Variants in TASP1 observed in about 807,000 individuals in gnomAD.
TASP1 encodes taspase 1.
Under a neutral mutation model 56.6 loss-of-function variants are expected in TASP1, and 16 were observed. The observed-to-expected ratio is 0.28, with a 90% CI of 0.19 to 0.43. The LOEUF (loss-of-function observed/expected upper bound fraction) is 0.43. Among genes scored for constraint, TASP1 ranks in the 20% least tolerant of loss-of-function variants. TASP1 has a pLI of 1.00. For missense variants in TASP1, 393 were observed against 511.6 expected (o/e 0.77, Z 2.24); for synonymous variants, 179 against 184.2 (o/e 0.97, Z 0.23).
At chr20:13,275,217 T>C in the TASP1 span, among the ~76,000 whole-genome samples, 1 of 151,590 alleles carries the variant, frequency 6.6e-6, no homozygotes, top group African/African-American at 2.4e-5. Context: ...AAAATAGTCA[T>C]GTAAAGGCCT....
chr20:13,212,269 AC>A, the TASP1 span, among the ~76,000 whole-genome samples: 1 of 152,172 alleles, frequency 6.6e-6, no homozygotes, highest in Non-Finnish European at 1.5e-5. Context: ...TACAAAATGT[AC>A]AGCCACTAAT....
At chr20:13,263,977 T>C in the TASP1 span, among the ~76,000 whole-genome samples, 2 of 152,214 alleles carry the variant, frequency 1.3e-5, no homozygotes, top group Admixed American at 6.5e-5. Flanking sequence ...TTTGTTTTTC[T>C]TTAGAATCCC....
At chr20:13,321,254 A>T in the TASP1 span, among the ~76,000 whole-genome samples, 191 of 33,670 alleles carry the variant, frequency 5.7e-3, 1 homozygote, top group African/African-American at 0.027. Context: ...TGCCCCACAT[A>T]AAAAAAAAAA....
intron 11 of TASP1, among the ~76,000 whole-genome samples, chr20:13,464,084 G>C (rs925306136): frequency 3.3e-5 from 5 of 152,142 alleles, no homozygotes; most frequent in African/African-American, 1.2e-4. Context: ...ACAGCCAAAG[G>C]TGTTATTCAC....
the TASP1 span, among the ~76,000 whole-genome samples, chr20:13,163,623 A>T: frequency 6.6e-6 from 1 of 152,094 alleles, no homozygotes; most frequent in Non-Finnish European, 1.5e-5. Context: ...CATTTTAAAT[A>T]CTCATACTCC....
chr20:13,126,628 C>T, the TASP1 span: 9 of 1,613,944 alleles, frequency 5.6e-6, no homozygotes, highest in Non-Finnish European at 7.6e-6. Context: ...TCGCATAGTG[C>T]TGTTTATGCT....
chr20:13,514,604 T>C (rs1026967437), intron 10 of TASP1, among the ~76,000 whole-genome samples: 1 of 152,156 alleles, frequency 6.6e-6, no homozygotes, highest in East Asian at 1.9e-4. Flanking sequence ...TTCAATTCAA[T>C]GTAGGTACAG....
chr20:13,414,843 C>T (rs2042202447), intron 13 of TASP1, among the ~76,000 whole-genome samples: 2 of 151,596 alleles, frequency 1.3e-5, no homozygotes, highest in African/African-American at 4.8e-5. Context: ...TGTAAAAGAA[C>T]CTACCTCTAT....
chr20:13,320,374 T>A, the TASP1 span, among the ~76,000 whole-genome samples: 2 of 152,224 alleles, frequency 1.3e-5, no homozygotes, highest in African/African-American at 2.4e-5. Context: ...GACTTCACAC[T>A]GTGCTTGCAA....
chr20:13,127,520 A>C, the TASP1 span, among the ~76,000 whole-genome samples: 1 of 152,218 alleles, frequency 6.6e-6, no homozygotes, highest in Non-Finnish European at 1.5e-5. Flanking sequence ...CAAGCCTGCT[A>C]TTTCAGTAGA....
chr20:13,172,883 T>C, the TASP1 span, among the ~76,000 whole-genome samples: 1 of 152,108 alleles, frequency 6.6e-6, no homozygotes, highest in Non-Finnish European at 1.5e-5. Flanking sequence ...AATTTTGGAA[T>C]GATAATTAAG....
chr20:13,408,755 C>T (rs895526907), intron 13 of TASP1, among the ~76,000 whole-genome samples: 10 of 152,112 alleles, frequency 6.6e-5, no homozygotes, highest in Non-Finnish European at 1.5e-5. Flanking sequence ...TAAATTTCAT[C>T]CAGTTGCTGC....
At chr20:13,179,019 T>C in the TASP1 span, among the ~76,000 whole-genome samples, 2 of 152,100 alleles carry the variant, frequency 1.3e-5, no homozygotes, top group Non-Finnish European at 2.9e-5. Flanking sequence ...TATCCAAACA[T>C]CACTATGTAC....
chr20:13,421,708 CG>C (rs1172313574), intron 12 of TASP1, among the ~76,000 whole-genome samples: 2 of 152,058 alleles, frequency 1.3e-5, no homozygotes, highest in African/African-American at 2.4e-5. Flanking sequence ...GAAACAACAT[CG>C]TGTTAGCTGG....
At chr20:13,359,547 C>A in the TASP1 span, among the ~76,000 whole-genome samples, 1 of 151,480 alleles carries the variant, frequency 6.6e-6, no homozygotes, top group Non-Finnish European at 1.5e-5. Flanking sequence ...ACGGAGGCTA[C>A]ACACTCCACA....
chr20:13,522,693 A>G (rs1394215562), intron 10 of TASP1, among the ~76,000 whole-genome samples: 1 of 152,150 alleles, frequency 6.6e-6, no homozygotes, highest in African/African-American at 2.4e-5. Flanking sequence ...CCCAGGTTGG[A>G]GATAAAATTG....
intron 4 of TASP1, among the ~76,000 whole-genome samples, chr20:13,596,368 T>C (rs1462711015): frequency 2.4e-4 from 27 of 114,172 alleles, no homozygotes; most frequent in Admixed American, 2.0e-3. Context: ...AGAGTGAAAC[T>C]CGTAAAAAAA....
intron 11 of TASP1, among the ~76,000 whole-genome samples, chr20:13,454,096 G>A (rs1348569634): frequency 6.6e-6 from 1 of 151,816 alleles, no homozygotes; most frequent in East Asian, 1.9e-4. Context: ...AGTGTCCTGA[G>A]CAAGAAAGTG....
chr20:13,378,728 T>C, the TASP1 span, among the ~76,000 whole-genome samples: 1 of 152,150 alleles, frequency 6.6e-6, no homozygotes, highest in South Asian at 2.1e-4. Context: ...TGTAGGTCTC[T>C]AGAACTTACT....
Sources: gnomAD v4.1 joint callset for allele counts (sites outside exome capture counted in the v4.1 genomes callset) on GRCh38, gnomAD v4.1.1 for gene constraint, MANE v1.5 for transcripts, NCBI Gene and HGNC (gene_info 2026-07-23, HGNC 2026-07-21) for gene names.